Variants in DET1 observed in about 807,000 individuals in gnomAD.
DET1 encodes the protein DET1 homolog.
A neutral mutation model predicts 43.7 loss-of-function variants in DET1; 22 were observed. That is an observed-to-expected ratio of 0.50 (90% CI 0.36 to 0.72). The LOEUF (loss-of-function observed/expected upper bound fraction) is 0.72. DET1 is among the 30% of genes least tolerant of loss of function. DET1 has a pLI of 0.00. For synonymous variants in DET1, 315 were observed against 266.2 expected (o/e 1.18, Z -1.79); for missense variants, 713 against 713.3 (o/e 1.00, Z 0.00).
intron 3 of DET1, among the ~76,000 whole-genome samples, chr15:88,522,512 G>GATTTTTTTTTTTTTTTTTTTTTTTTTT: frequency 1.2e-5 from 1 of 80,258 alleles, no homozygotes; most frequent in Non-Finnish European, 2.3e-5. Flanking sequence ...AATGTTCCTG[G>GATTTTTTTTTTTTTTTTTTTTTTTTTT]TTTTTTTTTT....
intron 1 of DET1, among the ~76,000 whole-genome samples, chr15:88,536,628 A>G (rs1020929459): frequency 5.3e-5 from 8 of 151,834 alleles, no homozygotes; most frequent in Admixed American, 2.0e-4. Context: ...AAATACAAAA[A>G]TTAGCTGGGC....
At chr15:88,544,551 C>A (rs575328983) in intron 1 of DET1, among the ~76,000 whole-genome samples, 3 of 152,188 alleles carry the variant, frequency 2.0e-5, no homozygotes, top group Non-Finnish European at 2.9e-5. Flanking sequence ...CGGGGTCCTG[C>A]CATTCGTTCC....
chr15:88,511,469 T>C (rs1388045889), downstream of DET1: 12 of 985,328 alleles, frequency 1.2e-5, no homozygotes, highest in Non-Finnish European at 1.4e-5. Context: ...ATGCTGGGCC[T>C]CTCCTTGAAA....
intron 1 of DET1, among the ~76,000 whole-genome samples, chr15:88,540,468 A>T (rs1407978506): frequency 6.6e-6 from 1 of 152,070 alleles, no homozygotes; most frequent in East Asian, 1.9e-4. Flanking sequence ...CCTTCTAAAA[A>T]AAAAAAAAAA....
At chr15:88,539,096 T>A (rs1265049840) in intron 1 of DET1, among the ~76,000 whole-genome samples, 2 of 13,342 alleles carry the variant, frequency 1.5e-4, no homozygotes, top group South Asian at 4.5e-3. Flanking sequence ...GGCAGACCGC[T>A]CTCTCTCTCT....
rs1484066652 is a variant in DET1, at chr15:88,516,424, G to A, written c.1463+358C>T. On this transcript the variant is annotated intron_variant, in intron 4 of 4. Transcript: ENST00000268148. The surrounding 1 kb of genome is among the most constrained non-coding windows in gnomAD (Gnocchi z 4.4). ...TATTTTTTCTATGAGGTAACATGGC[G>A]GGATAAAATAATTTGTGTTAGATAC... Among the ~76,000 whole-genome samples the A allele has an allele frequency of 4.6e-5, 7 of 152,252 alleles. No individual in the cohort carries two copies. In the South Asian group the frequency reaches 1.0e-3, roughly 23 times the overall value.
chr15:88,539,432 C>T (rs1410299811), intron 1 of DET1, among the ~76,000 whole-genome samples: 4 of 141,084 alleles, frequency 2.8e-5, no homozygotes, highest in Admixed American at 7.3e-5. Flanking sequence ...CACGGGAGGG[C>T]CCCCCCTTGT....
rs58177778 is a variant in DET1 at position 88,536,770 on chromosome 15, C to CAAAAAAAAAA, written c.-10-5065_-10-5056dup. ...TGGGCAACAGAGCAAGACTCCATCT[C>CAAAAAAAAAA]AAAAAAAAAAAAAAAAAAAGGAACA... On this transcript the variant is annotated intron_variant, in intron 1 of 4. Coordinates refer to ENST00000268148, the MANE Select transcript of DET1 (RefSeq NM_001144074.3). Among the ~76,000 whole-genome samples, 103 of 48,010 alleles carry CAAAAAAAAAA rather than the reference C, an allele frequency of 2.1e-3. 1 individual carries two copies. The highest frequency in any genetic ancestry group is 9.7e-3 in the South Asian group (11 of 1,136). The allele number at this position is 48,010 out of a possible 152,430, so 31.5% of individuals were successfully genotyped here.
chr15:88,508,699 G>A (rs913331555), downstream of DET1, among the ~76,000 whole-genome samples: 1 of 132,284 alleles, frequency 7.6e-6, no homozygotes, highest in South Asian at 2.4e-4. Context: ...TCAGAGGAGG[G>A]GTGGAGACAG....
At chr15:88,539,216 A>G (rs1384036386) in intron 1 of DET1, among the ~76,000 whole-genome samples, 1 of 151,984 alleles carries the variant, frequency 6.6e-6, no homozygotes, top group Non-Finnish European at 1.5e-5. Context: ...AAAGGCTTGC[A>G]TTTGTCTTCC....
At chr15:88,527,917 C>CAAT (rs2142299641) in intron 2 of DET1, 131 bp from the exon 3 acceptor site, 1 of 593,614 alleles carries the variant, frequency 1.7e-6, no homozygotes, top group Non-Finnish European at 2.6e-6. Context: ...ACAACAACAA[C>CAAT]AACAAGCAAA....
chr15:88,523,940 G>A (rs1302794062), intron 3 of DET1, among the ~76,000 whole-genome samples: 2 of 145,934 alleles, frequency 1.4e-5, no homozygotes, highest in East Asian at 4.3e-4. Flanking sequence ...CGGCTGCCCA[G>A]TCTGGAAAGT....
downstream of DET1, chr15:88,512,236 T>G (rs768861307): frequency 1.4e-5 from 7 of 497,432 alleles, no homozygotes; most frequent in Non-Finnish European, 1.8e-5. Context: ...GGAGCATGCT[T>G]CCACATGAGG....
At position 88,531,822 on chromosome 15, in the gene DET1, G is replaced by A; in HGVS notation, c.-10-107C>T. The A allele has an allele frequency of 9.0e-7, 1 of 1,110,382 alleles. No individual in the cohort carries two copies. Among genetic ancestry groups the A allele is most frequent in the Non-Finnish European group, 1.2e-6 (1 of 802,422 alleles). The allele number at this position is 1,110,382 out of a possible 1,614,324, so 68.8% of individuals were successfully genotyped here. A position where few individuals can be genotyped will look rare whatever the true frequency, so the allele number is the denominator to read the frequency against. ...CTCTTCTTATATCCTGAACCTAGGA[G>A]CTCCCAAGATGACAGTGACTGGCAT... On this transcript the variant is annotated intron_variant, in intron 1 of 4. Transcript: ENST00000268148. The surrounding 1 kb of genome is among the most constrained non-coding windows in gnomAD (Gnocchi z 6.2).
chr15:88,536,251 T>C (rs1598344467), intron 1 of DET1: 2 of 735,176 alleles, frequency 2.7e-6, no homozygotes, highest in East Asian at 5.1e-5. Context: ...CCCACATGAA[T>C]TTACTGATAC....
At chr15:88,526,298 C>T (rs1291095626) in intron 3 of DET1, among the ~76,000 whole-genome samples, 1 of 152,144 alleles carries the variant, frequency 6.6e-6, no homozygotes, top group Non-Finnish European at 1.5e-5. Flanking sequence ...TATCTTTGGA[C>T]CTAAAACAGG....
chr15:88,524,114 G>A (rs1457773017), intron 3 of DET1, among the ~76,000 whole-genome samples: 10 of 150,658 alleles, frequency 6.6e-5, no homozygotes, highest in African/African-American at 1.5e-4. Flanking sequence ...TGTGAGGAGT[G>A]CCTCTGCCCG....
intron 3 of DET1, among the ~76,000 whole-genome samples, chr15:88,520,304 CA>C (rs1188414480): frequency 2.0e-5 from 3 of 152,122 alleles, no homozygotes; most frequent in African/African-American, 7.2e-5. Flanking sequence ...AACTCTTTTC[CA>C]TACTGTCCAA....
chr15:88,524,254 G>C (rs1440729402), intron 3 of DET1, among the ~76,000 whole-genome samples: 2 of 151,748 alleles, frequency 1.3e-5, no homozygotes, highest in Non-Finnish European at 2.9e-5. Flanking sequence ...CGCCCCATCT[G>C]AGAAGTGAGG....
Sources: allele counts gnomAD v4.1 joint callset (sites outside exome capture counted in the v4.1 genomes callset), GRCh38; gene constraint gnomAD v4.1.1; non-coding constraint Gnocchi (gnomAD v3.1); transcripts MANE v1.5; gene names NCBI Gene and HGNC (gene_info 2026-07-23, HGNC 2026-07-21).